Variants in CERS3 observed in about 807,000 individuals in gnomAD.
The protein encoded by CERS3 is LAG1 homolog, ceramide synthase 3.
Under a neutral mutation model 50.3 loss-of-function variants are expected in CERS3, and 33 were observed. The observed-to-expected ratio is 0.66, with a 90% CI of 0.50 to 0.88. The LOEUF (loss-of-function observed/expected upper bound fraction) is 0.88. Among genes scored for constraint, CERS3 ranks in the 40% least tolerant of loss-of-function variants. CERS3 has a pLI of 0.00. For synonymous variants in CERS3, 176 were observed against 155.2 expected (o/e 1.13, Z -0.99); for missense variants, 470 against 460.3 (o/e 1.02, Z -0.19).
At position 100,440,755 on chromosome 15, in the gene CERS3, G is replaced by A. The variant is rs566013659; in HGVS notation, c.999+15138C>T. Reference sequence around the variant, plus strand: ...GAAACATCTCACCAATTTCAAATCCGGTAAGCGGCCTCTTTTTACTGTCTT... The same window carrying A: ...GAAACATCTCACCAATTTCAAATCCAGTAAGCGGCCTCTTTTTACTGTCTT... On this transcript the variant is annotated intron_variant, in intron 11 of 11. Coordinates refer to ENST00000679737, the MANE Select transcript of CERS3 (RefSeq NM_001378789.1). Among the ~76,000 whole-genome samples the A allele has an allele frequency of 6.6e-5, 10 of 152,302 alleles. No homozygotes were observed. The East Asian group carries it at 1.5e-3, about 24-fold the overall frequency.
chr15:100,488,451 T>C (rs1189768703), intron 4 of CERS3, among the ~76,000 whole-genome samples: 1 of 152,188 alleles, frequency 6.6e-6, no homozygotes, highest in Non-Finnish European at 1.5e-5. Context: ...CCCAGCAACT[T>C]GTCTTATTAC....
intron 11 of CERS3, among the ~76,000 whole-genome samples, chr15:100,426,490 G>A (rs1006700651): frequency 5.9e-5 from 9 of 152,296 alleles, no homozygotes; most frequent in African/African-American, 2.2e-4. Context: ...CAAGACAGTG[G>A]CCATCTCTGC....
rs1170051830 is a variant in CERS3, at chr15:100,494,210, CATAT to C, written c.174-3283_174-3280del. The stretch of plus-strand genomic sequence containing the variant: ...TTTGCTTAGTCACCTTTTTTCTTTT[CATAT>C]ATATATATATATATATATATATATA... On this transcript the variant is annotated intron_variant, in intron 3 of 11. Transcript: ENST00000679737. 7.8e-3 allele frequency among the ~76,000 whole-genome samples: 606 copies of C among 77,976 alleles called. 4 individuals are homozygous for C. Among genetic ancestry groups the C allele is most frequent in the African/African-American group, 0.012 (217 of 17,850 alleles). 51.2% of individuals were successfully genotyped at this position (77,976 alleles called of 152,430 possible). A position where few individuals can be genotyped will look rare whatever the true frequency, so the allele number is the denominator to read the frequency against.
At position 100,444,957 on chromosome 15, in the gene CERS3, G is replaced by T. The variant is rs11247203; in HGVS notation, c.999+10936C>A. 4.0e-5 allele frequency among the ~76,000 whole-genome samples: 6 copies of T among 151,042 alleles called. No individual in the cohort carries two copies. In the South Asian group the frequency reaches 6.3e-4, roughly 16 times the overall value. On this transcript the variant is annotated intron_variant, in intron 11 of 11. Transcript: ENST00000679737. ...AGCCAAGCGTTTTTTCAGGTTCTTA[G>T]TATTCAGTGAAACCTTTATATCCCT...
intron 9 of CERS3, among the ~76,000 whole-genome samples, chr15:100,471,547 C>A (rs1376522030): frequency 6.6e-6 from 1 of 152,058 alleles, no homozygotes; most frequent in Admixed American, 6.6e-5. Flanking sequence ...GCAACAGAGT[C>A]GTATAAAATT....
intron 11 of CERS3, among the ~76,000 whole-genome samples, chr15:100,436,780 A>G (rs2033428915): frequency 6.6e-6 from 1 of 152,170 alleles, no homozygotes. Flanking sequence ...TGTTTTACTT[A>G]TTTAAACATC....
chr15:100,478,078 C>A (rs1379625386), intron 7 of CERS3, among the ~76,000 whole-genome samples: 1 of 151,980 alleles, frequency 6.6e-6, no homozygotes, highest in Non-Finnish European at 1.5e-5. Flanking sequence ...GAAAACAGAT[C>A]CACAGGTGGT....
intron 11 of CERS3, among the ~76,000 whole-genome samples, chr15:100,433,232 T>C (rs1413523970): frequency 1.4e-5 from 2 of 140,616 alleles, no homozygotes; most frequent in African/African-American, 5.8e-5. Context: ...CAAGACTCTG[T>C]CTCAAAAAAA....
At chr15:100,516,283 C>T (rs183209958) in intron 2 of CERS3, among the ~76,000 whole-genome samples, 54 of 152,308 alleles carry the variant, frequency 3.5e-4, no homozygotes, top group Admixed American at 3.2e-3. Flanking sequence ...ATACCACAAG[C>T]AGCTGTAAGT....
intron 3 of CERS3, among the ~76,000 whole-genome samples, chr15:100,494,257 ATT>A (rs5814969): frequency 0.18 from 2,241 of 12,742 alleles, 256 homozygotes; most frequent in Non-Finnish European, 0.34. Context: ...ATATATATAT[ATT>A]TGTTTTGAGA....
At chr15:100,435,310 G>C (rs1466511773) in intron 11 of CERS3, among the ~76,000 whole-genome samples, 1 of 152,182 alleles carries the variant, frequency 6.6e-6, no homozygotes, top group Non-Finnish European at 1.5e-5. Context: ...TGACTGCAGG[G>C]AAGACAGGTC....
chr15:100,476,925 T>A (rs888104319), intron 7 of CERS3, among the ~76,000 whole-genome samples: 1 of 152,124 alleles, frequency 6.6e-6, no homozygotes, highest in Non-Finnish European at 1.5e-5. Flanking sequence ...ATAAGTACCA[T>A]GTAAGAAACC....
At chr15:100,423,879 G>C (rs1209233150) in intron 11 of CERS3, among the ~76,000 whole-genome samples, 1 of 151,750 alleles carries the variant, frequency 6.6e-6, no homozygotes, top group Non-Finnish European at 1.5e-5. Flanking sequence ...TGTACAGCCT[G>C]CAGAACCATG....
chr15:100,483,787 A>ATTTTTTTTTTTTTTTTT (rs10622678), intron 5 of CERS3, among the ~76,000 whole-genome samples: 2 of 100,040 alleles, frequency 2.0e-5, no homozygotes, highest in Admixed American at 1.2e-4. Flanking sequence ...TATTATTATT[A>ATTTTTTTTTTTTTTTTT]TTTTTTTTTT....
chr15:100,414,669 G>A (rs1411980714), intron 11 of CERS3, among the ~76,000 whole-genome samples: 1 of 152,022 alleles, frequency 6.6e-6, no homozygotes, highest in Non-Finnish European at 1.5e-5. Context: ...ACAAAAACAA[G>A]CAGTGGGGAA....
At chr15:100,471,351 C>T (rs1384822660) in intron 9 of CERS3, among the ~76,000 whole-genome samples, 1 of 151,852 alleles carries the variant, frequency 6.6e-6, no homozygotes, top group Non-Finnish European at 1.5e-5. Context: ...GGCTAGAAAA[C>T]AAAACAATAA....
At chr15:100,486,152 AT>A (rs1176540307) in intron 4 of CERS3, among the ~76,000 whole-genome samples, 4 of 152,216 alleles carry the variant, frequency 2.6e-5, no homozygotes, top group African/African-American at 9.6e-5. Flanking sequence ...ATTTAAACCA[AT>A]TGTGGATGAG....
chr15:100,456,799 T>C lies in CERS3; in HGVS notation c.846-753A>G, dbSNP rs916112632. On this transcript the variant is annotated intron_variant, in intron 10 of 11. Coordinates refer to ENST00000679737, the MANE Select transcript of CERS3 (RefSeq NM_001378789.1). Reference sequence around the variant, plus strand: ...CCATTTGTACTAAAAATGCAAAAATTAGCTGGGTGTGGTGGCATGCACCTG... The same window carrying C: ...CCATTTGTACTAAAAATGCAAAAATCAGCTGGGTGTGGTGGCATGCACCTG... Among the ~76,000 whole-genome samples the C allele has an allele frequency of 3.2e-4, 48 of 152,034 alleles. 2 individuals are homozygous for C.
chr15:100,536,909 C>A (rs899129828), intron 1 of CERS3, among the ~76,000 whole-genome samples: 2 of 152,188 alleles, frequency 1.3e-5, no homozygotes, highest in Non-Finnish European at 2.9e-5. Context: ...CTGAACAGGA[C>A]AATGAGGAAA....
Sources: allele counts gnomAD v4.1 joint callset (sites outside exome capture counted in the v4.1 genomes callset), GRCh38; gene constraint gnomAD v4.1.1; transcripts MANE v1.5; gene names NCBI Gene and HGNC (gene_info 2026-07-23, HGNC 2026-07-21).